Variants in KCNK9 observed in about 807,000 individuals in gnomAD.
KCNK9 encodes the protein potassium channel subfamily K member 9.
KCNK9 carries 1 observed loss-of-function variant against 10.8 expected under a neutral mutation model. The ratio of observed to expected loss-of-function variants is 0.09; its 90% CI spans 0.03 to 0.44. KCNK9 has a LOEUF of 0.44. Ranked by LOEUF, KCNK9 falls within the 20% of genes least tolerant of loss-of-function variation. The probability of loss-of-function intolerance (pLI) is 0.97; values close to 1 mark genes in which losing one functional copy is unlikely to be tolerated. For missense variants in KCNK9, 303 were observed against 515.0 expected (o/e 0.59, Z 3.98); for synonymous variants, 231 against 222.7 (o/e 1.04, Z -0.33).
intron 1 of KCNK9, among the ~76,000 whole-genome samples, chr8:139,664,071 C>G (rs535297651): frequency 1.3e-5 from 2 of 152,268 alleles, no homozygotes; most frequent in South Asian, 4.2e-4. Flanking sequence ...AGCCGCCTGC[C>G]CAAGGCCATA....
At chr8:139,613,152 C>T (rs1814483993), downstream of KCNK9, among the ~76,000 whole-genome samples, 1 of 152,194 alleles carries the variant, frequency 6.6e-6, no homozygotes, top group Non-Finnish European at 1.5e-5. Flanking sequence ...TCTTCTTTGG[C>T]TGAACCACTG....
At chr8:139,670,668 G>T (rs1383885357) in intron 1 of KCNK9, among the ~76,000 whole-genome samples, 3 of 152,170 alleles carry the variant, frequency 2.0e-5, no homozygotes, top group African/African-American at 4.8e-5. Context: ...TATTTGAAAA[G>T]GAAGAATATG....
intron 1 of KCNK9, among the ~76,000 whole-genome samples, chr8:139,681,910 C>A (rs1209089574): frequency 1.3e-5 from 2 of 152,220 alleles, no homozygotes; most frequent in African/African-American, 4.8e-5. Context: ...GAAAGATGGC[C>A]CAGACCCAGG....
chr8:139,643,646 C>G (rs1815578999), intron 1 of KCNK9, among the ~76,000 whole-genome samples: 1 of 152,164 alleles, frequency 6.6e-6, no homozygotes, highest in Non-Finnish European at 1.5e-5. Flanking sequence ...CTGGACAAGC[C>G]CATGGCTTCC....
At chr8:139,679,988 T>C (rs370642558) in intron 1 of KCNK9, among the ~76,000 whole-genome samples, 18 of 152,176 alleles carry the variant, frequency 1.2e-4, no homozygotes, top group East Asian at 1.2e-3. Flanking sequence ...GTGAGTGTAC[T>C]CTGTGTACCA....
At chr8:139,688,739 A>G (rs933317231) in intron 1 of KCNK9, among the ~76,000 whole-genome samples, 3 of 152,238 alleles carry the variant, frequency 2.0e-5, no homozygotes, top group African/African-American at 7.2e-5. Flanking sequence ...TGTTTGGACA[A>G]CAAAGTCTTC....
intron 1 of KCNK9, among the ~76,000 whole-genome samples, chr8:139,672,071 C>T (rs895658093): frequency 3.3e-5 from 5 of 152,134 alleles, no homozygotes; most frequent in African/African-American, 7.2e-5. Context: ...TTCCTCAGGC[C>T]GGGCAGGTGG....
At chr8:139,678,858 G>A (rs1195978271) in intron 1 of KCNK9, among the ~76,000 whole-genome samples, 7 of 152,196 alleles carry the variant, frequency 4.6e-5, no homozygotes, top group African/African-American at 1.7e-4. Flanking sequence ...GGTTTTAAAC[G>A]GGTAAGAAAA....
intron 1 of KCNK9, among the ~76,000 whole-genome samples, chr8:139,629,439 G>C (rs952542001): frequency 2.0e-5 from 3 of 152,258 alleles, no homozygotes; most frequent in Non-Finnish European, 4.4e-5. Context: ...TCACAGCCTA[G>C]CTTAACAGTC....
Position 139,618,873 on chromosome 8 carries a change from C to A in KCNK9, c.510G>T (p.Thr170=), listed in dbSNP as rs780709164. Residue 170 remains threonine (T), a synonymous_variant, in exon 2 of 2, where the codon ACG becomes ACT. Transcript: ENST00000520439. This position sits in a 1 kb window ranked among gnomAD's most constrained non-coding sequence, Gnocchi z 7.9. ...VTVGFFSCMG[T]LCIGAAAFSQ... The stretch of plus-strand genomic sequence containing the variant: ...AGAAGGCGGCCGCCCCGATGCACAG[C>A]GTCCCCATGCAGGAGAAGAAGCCCA... 2.4e-5 allele frequency: 39 copies of A among 1,614,078 alleles called. No homozygotes were observed. Among genetic ancestry groups the A allele is most frequent in the Non-Finnish European group, 3.3e-5 (39 of 1,180,046 alleles).
chr8:139,657,152 G>T (rs1028466730), intron 1 of KCNK9, among the ~76,000 whole-genome samples: 1 of 152,174 alleles, frequency 6.6e-6, no homozygotes, highest in African/African-American at 2.4e-5. Flanking sequence ...GTCTCTCTTG[G>T]GGAAGTGAGA....
At chr8:139,690,043 A>C (rs549751826) in intron 1 of KCNK9, among the ~76,000 whole-genome samples, 1 of 152,324 alleles carries the variant, frequency 6.6e-6, no homozygotes, top group African/African-American at 2.4e-5. Flanking sequence ...GCTGAGCCTC[A>C]GACTGTGAAC....
intron 1 of KCNK9, among the ~76,000 whole-genome samples, chr8:139,623,794 A>G (rs1032731652): frequency 6.6e-6 from 1 of 152,110 alleles, no homozygotes; most frequent in African/African-American, 2.4e-5. Context: ...CCCTTTGGCA[A>G]TGAGACTTCT....
chr8:139,639,537 G>C (rs1815436673), intron 1 of KCNK9, among the ~76,000 whole-genome samples: 1 of 152,258 alleles, frequency 6.6e-6, no homozygotes, highest in African/African-American at 2.4e-5. Flanking sequence ...ACAAGGACTG[G>C]GGTGCAAAGC....
rs1046717748 is a variant in KCNK9, at chr8:139,645,299, C to T, written c.284-26200G>A. 3.9e-5 allele frequency among the ~76,000 whole-genome samples: 6 copies of T among 152,072 alleles called. No homozygotes were observed. In the South Asian group the frequency reaches 8.3e-4, roughly 21 times the overall value. On this transcript the variant is annotated intron_variant, in intron 1 of 1. Coordinates refer to ENST00000520439, the MANE Select transcript of KCNK9 (RefSeq NM_001282534.2). ...CCCTTCACCTTCTAAAGGCTCAGACCGGCCCAGGGAGCCCAAGGCCCACTA... is the reference window on the plus strand; with the variant it reads ...CCCTTCACCTTCTAAAGGCTCAGACTGGCCCAGGGAGCCCAAGGCCCACTA...
At chr8:139,608,074 A>G (rs902605956), downstream of KCNK9, among the ~76,000 whole-genome samples, 1 of 152,214 alleles carries the variant, frequency 6.6e-6, no homozygotes, top group Non-Finnish European at 1.5e-5. Flanking sequence ...GCTGAAGCTT[A>G]CAAGACCTCC....
intron 1 of KCNK9, among the ~76,000 whole-genome samples, chr8:139,696,449 A>C (rs1463636395): frequency 6.6e-6 from 1 of 152,234 alleles, no homozygotes; most frequent in Non-Finnish European, 1.5e-5. Context: ...TGGGTCTAGA[A>C]CATCTTGGAG....
chr8:139,654,753 G>C (rs1021435804), intron 1 of KCNK9, among the ~76,000 whole-genome samples: 1 of 152,214 alleles, frequency 6.6e-6, no homozygotes, highest in East Asian at 1.9e-4. Flanking sequence ...CTCTGGGTGG[G>C]GGAAGGCAGA....
chr8:139,644,319 T>C (rs905524914), intron 1 of KCNK9, among the ~76,000 whole-genome samples: 1 of 152,226 alleles, frequency 6.6e-6, no homozygotes, highest in Non-Finnish European at 1.5e-5. Flanking sequence ...AGAACATTTC[T>C]CCTTCCAGCG....
Sources: gnomAD v4.1 joint callset for allele counts (sites outside exome capture counted in the v4.1 genomes callset) on GRCh38, gnomAD v4.1.1 for gene constraint, Gnocchi (gnomAD v3.1) non-coding constraint, MANE v1.5 for transcripts, NCBI Gene and HGNC (gene_info 2026-07-23, HGNC 2026-07-21) for gene names.